Variants in BMPR1B observed in about 807,000 individuals in gnomAD.
The protein encoded by BMPR1B is bone morphogenetic protein receptor type-1B.
Under a neutral mutation model 59.1 loss-of-function variants are expected in BMPR1B, and 12 were observed. That is an observed-to-expected ratio of 0.20 (90% CI 0.13 to 0.33). The LOEUF is 0.33. Ranked by LOEUF, BMPR1B falls within the 10% of genes least tolerant of loss-of-function variation. The probability of loss-of-function intolerance (pLI) is 1.00; values close to 1 mark genes in which losing one functional copy is unlikely to be tolerated. For missense variants in BMPR1B, 550 were observed against 610.9 expected (o/e 0.90, Z 1.05); for synonymous variants, 237 against 207.3 (o/e 1.14, Z -1.23).
rs545477727 is a variant in BMPR1B, at chr4:94,913,807, A to G, written c.-113+37907A>G. The stretch of plus-strand genomic sequence containing the variant: ...TTTGTGATGGTGGAAATGTGTGTCT[A>G]TCTGTACTGTTCATCATCATAGCCA... On this transcript the variant is annotated intron_variant, in intron 2 of 12. Coordinates refer to ENST00000515059, the MANE Select transcript of BMPR1B (RefSeq NM_001203.3). Among the ~76,000 whole-genome samples, 17 of 152,274 alleles carry G rather than the reference A, an allele frequency of 1.1e-4. No individual in the cohort carries two copies. The South Asian group carries it at 1.7e-3, about 15-fold the overall frequency.
intron 2 of BMPR1B, among the ~76,000 whole-genome samples, chr4:94,959,456 C>G (rs1234418041): frequency 6.6e-6 from 1 of 152,104 alleles, no homozygotes; most frequent in Non-Finnish European, 1.5e-5. Flanking sequence ...TCAGGATGGA[C>G]TCATTGGTAA....
At chr4:95,116,873 A>G (rs1732108892) in intron 6 of BMPR1B, among the ~76,000 whole-genome samples, 1 of 152,132 alleles carries the variant, frequency 6.6e-6, no homozygotes, top group South Asian at 2.1e-4. Flanking sequence ...AAGCCTCACC[A>G]GCATTTTTTT....
intron 3 of BMPR1B, among the ~76,000 whole-genome samples, chr4:95,079,746 GA>G (rs60486038): frequency 6.5e-4 from 93 of 142,518 alleles, no homozygotes; most frequent in Middle Eastern, 7.3e-3. Flanking sequence ...GGTGTGAAAT[GA>G]AAAAAAAAAA....
chr4:95,115,359 CTT>C (rs1199579321), intron 5 of BMPR1B, among the ~76,000 whole-genome samples: 1 of 152,078 alleles, frequency 6.6e-6, no homozygotes, highest in Non-Finnish European at 1.5e-5. Flanking sequence ...CTGTTAACGT[CTT>C]GTTTAGTGTC....
At chr4:94,793,183 A>G (rs1018908425) in intron 1 of BMPR1B, among the ~76,000 whole-genome samples, 11 of 151,654 alleles carry the variant, frequency 7.3e-5, no homozygotes, top group Admixed American at 7.2e-4. Context: ...CCACCCCACA[A>G]CAGTCCTCAG....
At chr4:94,844,113 A>G (rs529600061) in intron 1 of BMPR1B, among the ~76,000 whole-genome samples, 7 of 152,212 alleles carry the variant, frequency 4.6e-5, no homozygotes, top group Non-Finnish European at 8.8e-5. Flanking sequence ...CATAGCTGAT[A>G]ATAATGTATT....
At chr4:94,989,415 A>G (rs994648013) in intron 2 of BMPR1B, among the ~76,000 whole-genome samples, 6 of 151,192 alleles carry the variant, frequency 4.0e-5, no homozygotes, top group Non-Finnish European at 8.8e-5. Context: ...AAAAAAAATC[A>G]TTCACTACTT....
intron 1 of BMPR1B, among the ~76,000 whole-genome samples, chr4:94,857,180 A>G (rs185296417): frequency 1.3e-5 from 2 of 152,342 alleles, no homozygotes. Flanking sequence ...CAAATGTCTG[A>G]TAAAATATGA....
intron 6 of BMPR1B, among the ~76,000 whole-genome samples, chr4:95,123,416 G>T (rs1732668967): frequency 6.6e-6 from 1 of 152,004 alleles, no homozygotes; most frequent in Admixed American, 6.6e-5. Context: ...CAAATTCATG[G>T]TATAGAGTAC....
intron 1 of BMPR1B, among the ~76,000 whole-genome samples, chr4:94,813,993 A>G (rs1274197533): frequency 1.3e-5 from 2 of 152,200 alleles, no homozygotes; most frequent in African/African-American, 4.8e-5. Context: ...TGAGATATGC[A>G]GGTGGGACTG....
chr4:95,111,307 CA>C (rs1731618691), intron 4 of BMPR1B, among the ~76,000 whole-genome samples: 1 of 152,022 alleles, frequency 6.6e-6, no homozygotes, highest in Non-Finnish European at 1.5e-5. Flanking sequence ...AAAAGTTCTA[CA>C]ATAGTCTCTT....
intron 2 of BMPR1B, among the ~76,000 whole-genome samples, chr4:94,913,983 CATT>C (rs1211488317): frequency 3.3e-5 from 5 of 152,106 alleles, no homozygotes; most frequent in Admixed American, 2.6e-4. Context: ...GAAATACAGA[CATT>C]ATTCAAATAA....
chr4:94,927,264 C>G (rs1728926520), intron 2 of BMPR1B, among the ~76,000 whole-genome samples: 1 of 152,110 alleles, frequency 6.6e-6, no homozygotes, highest in South Asian at 2.1e-4. Flanking sequence ...ATGATCAGAT[C>G]ATTAGGCTCC....
chr4:95,153,210 G>A (rs1219378534), intron 12 of BMPR1B, among the ~76,000 whole-genome samples: 1 of 152,160 alleles, frequency 6.6e-6, no homozygotes, highest in African/African-American at 2.4e-5. Context: ...ATGCCTGACT[G>A]TGCTGGGTGT....
intron 3 of BMPR1B, among the ~76,000 whole-genome samples, chr4:95,049,500 TA>T (rs1726300943): frequency 7.3e-6 from 1 of 136,474 alleles, no homozygotes; most frequent in Non-Finnish European, 1.5e-5. Context: ...CTCTGTAACC[TA>T]TATTCAGAGT....
At chr4:95,112,563 G>T (rs1186763106) in intron 4 of BMPR1B, among the ~76,000 whole-genome samples, 1 of 152,094 alleles carries the variant, frequency 6.6e-6, no homozygotes, top group Non-Finnish European at 1.5e-5. Flanking sequence ...AATTTGCTTT[G>T]TGGCAGCTAA....
At chr4:94,786,103 T>C (rs1328157537) in intron 1 of BMPR1B, among the ~76,000 whole-genome samples, 1 of 152,162 alleles carries the variant, frequency 6.6e-6, no homozygotes, top group East Asian at 1.9e-4. Flanking sequence ...TAAAATAATA[T>C]GCCATAATAA....
intron 3 of BMPR1B, among the ~76,000 whole-genome samples, chr4:95,061,174 CACACACACACACACACACACA>C: frequency 1.3e-5 from 1 of 76,606 alleles, no homozygotes; most frequent in Non-Finnish European, 3.7e-5. Context: ...CACACACACA[CACACACACACACACACACACA>C]CACACACACA....
chr4:94,896,461 A>G (rs1727589686), intron 2 of BMPR1B, among the ~76,000 whole-genome samples: 1 of 152,012 alleles, frequency 6.6e-6, no homozygotes, highest in Non-Finnish European at 1.5e-5. Context: ...GAATTTGACT[A>G]TGATCCTTTT....
Sources: allele counts gnomAD v4.1 joint callset (sites outside exome capture counted in the v4.1 genomes callset), GRCh38; gene constraint gnomAD v4.1.1; transcripts MANE v1.5; gene names NCBI Gene and HGNC (gene_info 2026-07-23, HGNC 2026-07-21).